The following OPCML variants were observed in gnomAD, a reference collection of about 807,000 sequenced individuals.
OPCML encodes the protein opioid-binding protein/cell adhesion molecule.
In OPCML, 13 loss-of-function variants were observed where a neutral mutation model predicts 37.8. That is an observed-to-expected ratio of 0.34 (90% CI 0.22 to 0.55). The LOEUF is 0.55. Among genes scored for constraint, OPCML ranks in the 20% least tolerant of loss-of-function variants. The pLI, the probability that OPCML is intolerant of heterozygous loss-of-function variation, is 0.91. For missense variants in OPCML, 341 were observed against 435.6 expected, an observed-to-expected ratio of 0.78 and a Z score of 1.93; for synonymous variants, 176 against 168.8, an observed-to-expected ratio of 1.04 and a Z score of -0.33.
chr11:133,243,977 G>C (rs1592136625), intron 1 of OPCML, among the ~76,000 whole-genome samples: 2 of 152,284 alleles, frequency 1.3e-5, no homozygotes, highest in East Asian at 3.9e-4. Context: ...CTTTGGGAGA[G>C]GGGTGGACAT....
At position 133,344,489 on chromosome 11, in the gene OPCML, G is replaced by GAC. The variant is rs35829035; in HGVS notation, c.61+187773_61+187774dup. Among the ~76,000 whole-genome samples, 872 of 152,160 alleles carry GAC rather than the reference G, an allele frequency of 5.7e-3. 9 individuals carry two copies. Among genetic ancestry groups the GAC allele is most frequent in the African/African-American group, 0.02 (821 of 41,514 alleles). The stretch of plus-strand genomic sequence containing the variant: ...AATCCTGTTGCGTTCTGACATTCAA[G>GAC]ACACTCCTTCCCTCCCATCTTACGG... On this transcript the variant is annotated intron_variant, in intron 1 of 7. Transcript: ENST00000524381.
chr11:133,171,055 A>G (rs1950282193), intron 1 of OPCML, among the ~76,000 whole-genome samples: 1 of 152,230 alleles, frequency 6.6e-6, no homozygotes, highest in African/African-American at 2.4e-5. Context: ...AGACCTCACC[A>G]GCAAGACAGC....
At chr11:133,032,596 T>C (rs944717106) in intron 1 of OPCML, among the ~76,000 whole-genome samples, 1 of 152,156 alleles carries the variant, frequency 6.6e-6, no homozygotes, top group African/African-American at 2.4e-5. Flanking sequence ...AAAGAGTTCA[T>C]TTAAATATCT....
At chr11:132,750,223 G>A (rs1945941) in intron 2 of OPCML, among the ~76,000 whole-genome samples, 95,734 of 152,036 alleles carry the variant, frequency 0.63, 30,755 homozygotes, top group East Asian at 0.96. Flanking sequence ...ATGTGTCATG[G>A]ACTAAATACT....
At chr11:133,288,360 A>G (rs1339274822) in intron 1 of OPCML, among the ~76,000 whole-genome samples, 1 of 152,200 alleles carries the variant, frequency 6.6e-6, no homozygotes, top group Non-Finnish European at 1.5e-5. Flanking sequence ...CCCATGGTCA[A>G]GTTGCCTACC....
chr11:132,900,004 G>A (rs1377295408), intron 2 of OPCML, among the ~76,000 whole-genome samples: 1 of 152,034 alleles, frequency 6.6e-6, no homozygotes, highest in East Asian at 1.9e-4. Flanking sequence ...TATGTAGACG[G>A]CTGTCACGGG....
chr11:133,411,319 C>T (rs1297517929), intron 1 of OPCML, among the ~76,000 whole-genome samples: 2 of 152,104 alleles, frequency 1.3e-5, no homozygotes, highest in African/African-American at 4.8e-5. Flanking sequence ...ACACTTTTTC[C>T]ACATCTGAGT....
At chr11:132,826,208 CAGTT>C (rs1940322255) in intron 2 of OPCML, among the ~76,000 whole-genome samples, 1 of 152,198 alleles carries the variant, frequency 6.6e-6, no homozygotes, top group African/African-American at 2.4e-5. Context: ...GTCTGTCACA[CAGTT>C]AGCCACTGAT....
intron 1 of OPCML, among the ~76,000 whole-genome samples, chr11:133,288,307 G>C (rs917894270): frequency 1.3e-5 from 2 of 152,172 alleles, no homozygotes; most frequent in Non-Finnish European, 2.9e-5. Flanking sequence ...GGTTATGCTG[G>C]CCTGGAGGTA....
intron 1 of OPCML, among the ~76,000 whole-genome samples, chr11:133,148,729 G>C (rs187613753): frequency 6.6e-6 from 1 of 152,296 alleles, no homozygotes; most frequent in East Asian, 1.9e-4. Context: ...CTCTACAAAT[G>C]GCAGAGACGA....
chr11:133,195,276 C>A (rs1470744509), intron 1 of OPCML, among the ~76,000 whole-genome samples: 3 of 152,132 alleles, frequency 2.0e-5, no homozygotes, highest in Non-Finnish European at 2.9e-5. Flanking sequence ...CACCATTATT[C>A]TAATCCATAG....
At chr11:133,295,357 G>T (rs1289899466) in intron 1 of OPCML, among the ~76,000 whole-genome samples, 2 of 152,090 alleles carry the variant, frequency 1.3e-5, no homozygotes, top group East Asian at 1.9e-4. Context: ...CAAAGCTAAG[G>T]TAGGTAAGCT....
chr11:133,498,252 G>A (rs544516694), intron 1 of OPCML, among the ~76,000 whole-genome samples: 12 of 152,126 alleles, frequency 7.9e-5, no homozygotes, highest in Non-Finnish European at 1.3e-4. Flanking sequence ...GCTTCCCTGC[G>A]TTTTCTGCTT....
intron 4 of OPCML, among the ~76,000 whole-genome samples, chr11:132,479,320 C>T (rs1187398428): frequency 6.6e-6 from 1 of 152,046 alleles, no homozygotes; most frequent in African/African-American, 2.4e-5. Flanking sequence ...TTCCGACGGG[C>T]TTAAAAAACG....
intron 1 of OPCML, among the ~76,000 whole-genome samples, chr11:133,276,054 C>A (rs1735798769): frequency 6.6e-6 from 1 of 152,054 alleles, no homozygotes; most frequent in African/African-American, 2.4e-5. Context: ...ATAAATTAAT[C>A]CCTAGATTCA....
intron 1 of OPCML, among the ~76,000 whole-genome samples, chr11:133,389,353 A>C (rs1945120629): frequency 6.6e-6 from 1 of 152,232 alleles, no homozygotes; most frequent in South Asian, 2.1e-4. Context: ...AGGAGGGAGA[A>C]TACACAGTCC....
chr11:133,145,957 A>G (rs927881404), intron 1 of OPCML, among the ~76,000 whole-genome samples: 1 of 152,262 alleles, frequency 6.6e-6, no homozygotes, highest in East Asian at 1.9e-4. Flanking sequence ...CTTACAAGGT[A>G]TTAATGATGT....
chr11:133,324,620 G>A (rs1943406846), intron 1 of OPCML, among the ~76,000 whole-genome samples: 1 of 152,188 alleles, frequency 6.6e-6, no homozygotes, highest in African/African-American at 2.4e-5. Context: ...TCTCTCTGAG[G>A]GCAGTGGGAC....
chr11:133,140,731 G>A (rs1949771228), intron 1 of OPCML, among the ~76,000 whole-genome samples: 1 of 45,656 alleles, frequency 2.2e-5, no homozygotes, highest in Non-Finnish European at 5.2e-5. Context: ...GGAAGACGAC[G>A]ACGACGACGA....
Sources: gnomAD v4.1 joint callset for allele counts (sites outside exome capture counted in the v4.1 genomes callset) on GRCh38, gnomAD v4.1.1 for gene constraint, MANE v1.5 for transcripts, NCBI Gene and HGNC (gene_info 2026-07-23, HGNC 2026-07-21) for gene names.